ATM: variants seen among roughly 807,000 people sequenced by gnomAD.
ATM encodes the protein serine-protein kinase ATM.
A neutral mutation model predicts 387.0 loss-of-function variants in ATM; 308 were observed. The observed-to-expected ratio is 0.80, with a 90% confidence interval of 0.73 to 0.87. The LOEUF is 0.87. Among genes scored for constraint, ATM ranks in the 40% least tolerant of loss-of-function variants. The pLI is 0.00. For missense variants in ATM, 3,312 were observed against 3,560.9 expected (o/e 0.93, Z 1.78); for synonymous variants, 1,156 against 1,187.3 (o/e 0.97, Z 0.54).
intron 13 of ATM, among the ~76,000 whole-genome samples, chr11:108,254,908 C>T (rs776578474): frequency 4.6e-5 from 7 of 152,144 alleles, no homozygotes; most frequent in African/African-American, 1.2e-4. Context: ...CTCAGCATCC[C>T]GAAGTGCTAG....
intron 43 of ATM, among the ~76,000 whole-genome samples, chr11:108,319,012 C>CA (rs201762321): frequency 0.03 from 4,507 of 151,778 alleles, 220 homozygotes; most frequent in African/African-American, 0.1. Flanking sequence ...CCCATCTCTA[C>CA]AAAAAAATAC....
intron 22 of ATM, among the ~76,000 whole-genome samples, chr11:108,273,997 G>T (rs1231079714): frequency 6.6e-6 from 1 of 152,114 alleles, no homozygotes. Context: ...GAATCCCTCT[G>T]GTCCTGGGCT....
chr11:108,328,951 A>C, intron 48 of ATM, 70 bp from the exon 49 acceptor site: 1 of 1,448,176 alleles, frequency 6.9e-7, no homozygotes, highest in Non-Finnish European at 9.6e-7. Context: ...GTATTACCTT[A>C]ATTTGAGTGA....
intron 45 of ATM, among the ~76,000 whole-genome samples, chr11:108,324,665 T>G (rs1042475740): frequency 2.6e-5 from 4 of 152,224 alleles, no homozygotes; most frequent in African/African-American, 9.6e-5. Context: ...TTTGTCATCT[T>G]ACTCTCCCTG....
chr11:108,322,350 C>T (rs568130764), intron 45 of ATM, among the ~76,000 whole-genome samples: 4 of 152,084 alleles, frequency 2.6e-5, no homozygotes, highest in Non-Finnish European at 4.4e-5. Context: ...GACGGGGTTT[C>T]GCCTTGTTGG....
At chr11:108,337,774 T>C (rs576647828) in intron 56 of ATM, among the ~76,000 whole-genome samples, 1 of 152,258 alleles carries the variant, frequency 6.6e-6, no homozygotes, top group African/African-American at 2.4e-5. Context: ...AAATTGTTTA[T>C]GCTCTAAATA....
Position 108,331,969 on chromosome 11 carries a change from A to C in ATM, c.7720A>C (p.Lys2574Gln), listed in dbSNP as rs1357229307. The change falls in exon 52 of 63, where the codon AAA becomes CAA. Residue 2574 changes from lysine to glutamine, a missense_variant. Lys to Gln is a moderately conservative substitution (Grantham distance 53, BLOSUM62 1). Coordinates refer to ENST00000675843, the MANE Select transcript of ATM (RefSeq NM_000051.4). ...ANANRDEFLT[K>Q]PEVARRSRIT... ...TGCAAACAGAGATGAATTTCTGACT[A>C]AACCAGAGGTAGCCAGAAGAAGCAG... 1 of 1,614,028 alleles carries C rather than the reference A, an allele frequency of 6.2e-7. No homozygotes were observed. The highest frequency in any genetic ancestry group is 1.3e-5 in the African/African-American group (1 of 74,950).
intron 56 of ATM, chr11:108,336,409 G>A (rs531579477): frequency 6.3e-6 from 1 of 158,394 alleles, no homozygotes; most frequent in African/African-American, 2.4e-5. Context: ...TTTGTAAAAA[G>A]TATTTATTAA....
chr11:108,257,355 A>AT (rs1313363030), intron 14 of ATM, 126 bp from the exon 15 acceptor site: 12 of 1,200,958 alleles, frequency 1.0e-5, no homozygotes, highest in African/African-American at 3.1e-5. Flanking sequence ...AAAACATTTC[A>AT]TTTTTTCTCT....
intron 61 of ATM, among the ~76,000 whole-genome samples, chr11:108,364,552 C>G (rs1237157127): frequency 1.3e-5 from 2 of 152,140 alleles, no homozygotes. Flanking sequence ...CTTTCTGGAT[C>G]CACCCAGATT....
chr11:108,260,277 T>TTGGCCTTGGCCTCCCAAA (rs1222197323), intron 16 of ATM, among the ~76,000 whole-genome samples: 1 of 152,128 alleles, frequency 6.6e-6, no homozygotes, highest in Non-Finnish European at 1.5e-5. Flanking sequence ...TCAAATGATC[T>TTGGCCTTGGCCTCCCAAA]GTCCACCTTG....
intron 39 of ATM, among the ~76,000 whole-genome samples, chr11:108,311,336 T>G (rs1182672497): frequency 6.6e-6 from 1 of 151,944 alleles, no homozygotes; most frequent in Non-Finnish European, 1.5e-5. Flanking sequence ...GATAAGGAAG[T>G]GGATCGGTAG....
At chr11:108,311,767 AT>A (rs1014673264) in intron 39 of ATM, among the ~76,000 whole-genome samples, 12 of 152,188 alleles carry the variant, frequency 7.9e-5, no homozygotes, top group African/African-American at 2.9e-4. Context: ...AGTATCACTT[AT>A]GATAGTATTT....
intron 61 of ATM, among the ~76,000 whole-genome samples, chr11:108,358,524 A>C (rs1223201690): frequency 4.2e-5 from 6 of 144,338 alleles, no homozygotes; most frequent in Admixed American, 1.4e-4. Context: ...TGAAGGAAAA[A>C]ATGTTAAGGG....
Position 108,313,063 on chromosome 11 carries a change from G to C in ATM, c.6006+565G>C, listed in dbSNP as rs1160325406. Among the ~76,000 whole-genome samples the C allele has an allele frequency of 2.6e-5, 4 of 152,150 alleles. No individual in the cohort carries two copies. In the South Asian group the frequency reaches 8.3e-4, roughly 32 times the overall value. On this transcript the variant is annotated intron_variant, in intron 40 of 62. Coordinates refer to ENST00000675843, the MANE Select transcript of ATM (RefSeq NM_000051.4). ...TTGGAGAAAATAGAAGGCATAGAGA[G>C]GAAATCTCGCCACATCCCACTCTCA...
chr11:108,272,100 C>T (rs1003294556), intron 20 of ATM, among the ~76,000 whole-genome samples: 1 of 152,168 alleles, frequency 6.6e-6, no homozygotes, highest in Non-Finnish European at 1.5e-5. Context: ...GTCCCAAACT[C>T]CTGACCTCAA....
At chr11:108,316,843 G>A (rs966747749) in intron 42 of ATM, among the ~76,000 whole-genome samples, 4 of 151,468 alleles carry the variant, frequency 2.6e-5, no homozygotes, top group African/African-American at 4.9e-5. Context: ...GGAGAATGGC[G>A]TGAACCTGGG....
intron 22 of ATM, among the ~76,000 whole-genome samples, chr11:108,273,667 G>A (rs2081756388): frequency 6.6e-6 from 1 of 152,078 alleles, no homozygotes; most frequent in Non-Finnish European, 1.5e-5. Context: ...CTGTTTATGT[G>A]ATGGATTATG....
At chr11:108,269,821 A>G (rs144315023) in intron 18 of ATM, among the ~76,000 whole-genome samples, 349 of 152,296 alleles carry the variant, frequency 2.3e-3, no homozygotes, top group African/African-American at 7.5e-3. Flanking sequence ...ATGCACGTCA[A>G]TCCCTTAGAG....
Sources: allele counts gnomAD v4.1 joint callset (sites outside exome capture counted in the v4.1 genomes callset), GRCh38; gene constraint gnomAD v4.1.1; transcripts MANE v1.5; gene names NCBI Gene and HGNC (gene_info 2026-07-23, HGNC 2026-07-21).